The following NKAIN2 variants were observed in gnomAD, a reference collection of about 807,000 sequenced individuals.
The protein encoded by NKAIN2 is sodium/potassium-transporting ATPase subunit beta-1-interacting protein 2.
In NKAIN2, 14 loss-of-function variants were observed where a neutral mutation model predicts 32.6. That is an observed-to-expected ratio of 0.43 (90% CI 0.28 to 0.67). The LOEUF is 0.67. Among genes scored for constraint, NKAIN2 ranks in the 30% least tolerant of loss-of-function variants. NKAIN2 has a pLI of 0.17. For missense variants in NKAIN2, 198 were observed against 258.3 expected, an observed-to-expected ratio of 0.77 and a Z score of 1.60; for synonymous variants, 80 against 87.2, an observed-to-expected ratio of 0.92 and a Z score of 0.46.
At chr6:123,997,462 C>T (rs978653803) in intron 1 of NKAIN2, among the ~76,000 whole-genome samples, 2 of 152,118 alleles carry the variant, frequency 1.3e-5, no homozygotes, top group South Asian at 2.1e-4. Context: ...TCACAATGGT[C>T]TTATCAACCA....
intron 1 of NKAIN2, among the ~76,000 whole-genome samples, chr6:123,988,126 TG>T (rs1779229458): frequency 6.6e-6 from 1 of 152,170 alleles, no homozygotes; most frequent in South Asian, 2.1e-4. Context: ...GGAGATCAGC[TG>T]TGATTGATTC....
intron 4 of NKAIN2, among the ~76,000 whole-genome samples, chr6:124,772,843 T>C (rs543023745): frequency 6.6e-6 from 1 of 152,232 alleles, no homozygotes; most frequent in South Asian, 2.1e-4. Flanking sequence ...GGAGCAAAGG[T>C]TGAAAAATCA....
intron 1 of NKAIN2, among the ~76,000 whole-genome samples, chr6:124,156,486 G>A (rs2114423549): frequency 6.6e-6 from 1 of 152,228 alleles, no homozygotes; most frequent in Non-Finnish European, 1.5e-5. Context: ...GGGAAAGAGT[G>A]TGTCAGGAAA....
At chr6:124,649,001 G>A (rs570295354) in intron 3 of NKAIN2, among the ~76,000 whole-genome samples, 5 of 152,108 alleles carry the variant, frequency 3.3e-5, no homozygotes, top group African/African-American at 1.2e-4. Context: ...CTGCTTTGAG[G>A]GAAATTTATA....
intron 2 of NKAIN2, among the ~76,000 whole-genome samples, chr6:124,288,921 T>C (rs56786010): frequency 0.099 from 15,007 of 152,078 alleles, 2,006 homozygotes; most frequent in African/African-American, 0.3. Flanking sequence ...TAGACTACAA[T>C]AACTAATTCT....
intron 1 of NKAIN2, among the ~76,000 whole-genome samples, chr6:124,247,251 T>C (rs1171763559): frequency 6.6e-6 from 1 of 152,154 alleles, no homozygotes; most frequent in Non-Finnish European, 1.5e-5. Context: ...ACCCCTGTGA[T>C]GTTTCTTTTG....
intron 5 of NKAIN2, among the ~76,000 whole-genome samples, chr6:124,810,062 G>A (rs1242319198): frequency 6.6e-6 from 1 of 152,080 alleles, no homozygotes; most frequent in Non-Finnish European, 1.5e-5. Context: ...AACCATTGTG[G>A]AAGTCAGTGT....
chr6:124,240,496 A>G lies in NKAIN2; in HGVS notation c.55-42509A>G, dbSNP rs529331223. On this transcript the variant is annotated intron_variant, in intron 1 of 6. Transcript: ENST00000368417. The stretch of plus-strand genomic sequence containing the variant: ...ATGATCATCAGTGCAAAAATCCTCA[A>G]TAAAATACTGGCAAACCAAATCCAG... 5.2e-4 allele frequency among the ~76,000 whole-genome samples: 79 copies of G among 152,306 alleles called. No individual in the cohort carries two copies. In the South Asian group the frequency reaches 0.011, roughly 21 times the overall value.
At chr6:124,125,963 C>T (rs776772427) in intron 1 of NKAIN2, among the ~76,000 whole-genome samples, 1 of 152,096 alleles carries the variant, frequency 6.6e-6, no homozygotes, top group Non-Finnish European at 1.5e-5. Context: ...TCGCTCTTGG[C>T]TCATCATCAC....
intron 1 of NKAIN2, among the ~76,000 whole-genome samples, chr6:123,889,708 G>C (rs1416940506): frequency 3.3e-5 from 5 of 152,110 alleles, no homozygotes; most frequent in African/African-American, 1.2e-4. Context: ...AGCACTGATT[G>C]AGTCACTGAG....
chr6:124,812,474 C>A (rs1780948718), intron 5 of NKAIN2, among the ~76,000 whole-genome samples: 1 of 152,084 alleles, frequency 6.6e-6, no homozygotes, highest in Non-Finnish European at 1.5e-5. Flanking sequence ...TCTCATGTAG[C>A]TTGTATTATA....
intron 1 of NKAIN2, among the ~76,000 whole-genome samples, chr6:123,949,702 A>G (rs538736254): frequency 2.6e-5 from 4 of 152,020 alleles, no homozygotes; most frequent in Admixed American, 2.6e-4. Flanking sequence ...TTTTTGGTGA[A>G]ATCTTTAGGC....
chr6:124,164,940 T>C (rs1222465477), intron 1 of NKAIN2, among the ~76,000 whole-genome samples: 2 of 152,124 alleles, frequency 1.3e-5, no homozygotes, highest in Non-Finnish European at 2.9e-5. Flanking sequence ...ATATTAGGTT[T>C]AGAGCCATAA....
intron 1 of NKAIN2, among the ~76,000 whole-genome samples, chr6:124,080,743 C>A (rs975668972): frequency 1.4e-4 from 22 of 152,172 alleles, no homozygotes; most frequent in Non-Finnish European, 2.6e-4. Context: ...AACACTCCCC[C>A]CCTCCAAGAT....
chr6:124,643,749 T>A (rs1356701178), intron 3 of NKAIN2, among the ~76,000 whole-genome samples: 1 of 152,188 alleles, frequency 6.6e-6, no homozygotes, highest in African/African-American at 2.4e-5. Context: ...TGCCTAGAAA[T>A]GAGAAGTTAT....
At chr6:123,925,061 C>G (rs959310693) in intron 1 of NKAIN2, among the ~76,000 whole-genome samples, 1 of 152,022 alleles carries the variant, frequency 6.6e-6, no homozygotes, top group Non-Finnish European at 1.5e-5. Context: ...ACTTTTCATC[C>G]AGAATGGAAT....
At chr6:124,314,909 A>G (rs935660598) in intron 2 of NKAIN2, among the ~76,000 whole-genome samples, 2 of 152,162 alleles carry the variant, frequency 1.3e-5, no homozygotes, top group African/African-American at 4.8e-5. Context: ...CAAGGATTCT[A>G]TCTCATAAGT....
At chr6:124,391,865 A>G (rs750383983) in intron 3 of NKAIN2, among the ~76,000 whole-genome samples, 2 of 152,082 alleles carry the variant, frequency 1.3e-5, no homozygotes, top group Non-Finnish European at 2.9e-5. Context: ...CCTAAGTCAG[A>G]GTGTGGACTT....
At chr6:124,798,083 CTAT>C (rs1780092447) in intron 5 of NKAIN2, among the ~76,000 whole-genome samples, 1 of 151,074 alleles carries the variant, frequency 6.6e-6, no homozygotes, top group African/African-American at 2.4e-5. Flanking sequence ...ATCTATCTAT[CTAT>C]CTATCTATCT....
Sources: allele counts gnomAD v4.1 joint callset (sites outside exome capture counted in the v4.1 genomes callset), GRCh38; gene constraint gnomAD v4.1.1; transcripts MANE v1.5; gene names NCBI Gene and HGNC (gene_info 2026-07-23, HGNC 2026-07-21).